USP6NL: variants seen among roughly 807,000 people sequenced by gnomAD.
USP6NL encodes the protein USP6 N-terminal like.
Under a neutral mutation model 61.9 loss-of-function variants are expected in USP6NL, and 26 were observed. The observed-to-expected ratio is 0.42, with a 90% CI of 0.31 to 0.58. The LOEUF (loss-of-function observed/expected upper bound fraction) is 0.58. Among genes scored for constraint, USP6NL ranks in the 20% least tolerant of loss-of-function variants. USP6NL has a pLI of 0.16. For missense variants in USP6NL, 1,114 were observed against 1,034.3 expected (o/e 1.08, Z -1.06); for synonymous variants, 432 against 390.1 (o/e 1.11, Z -1.27).
rs187029387 is a variant in USP6NL at position 11,574,352 on chromosome 10, T to G, written c.4+23279A>C. ...CCCAGTCCATGAATAGAAGTCTAAA[T>G]TCACATGCACACTAGAAATTCCCAT... On this transcript the variant is annotated intron_variant, in intron 2 of 14. Transcript: ENST00000609104. The surrounding 1 kb of genome is among the most constrained non-coding windows in gnomAD (Gnocchi z 4.3). 1.3e-5 allele frequency among the ~76,000 whole-genome samples: 2 copies of G among 152,300 alleles called. No individual in the cohort carries two copies. The highest frequency in any genetic ancestry group is 3.9e-4 in the East Asian group (2 of 5,186).
At chr10:11,545,886 CCA>C (rs1465342218) in intron 2 of USP6NL, among the ~76,000 whole-genome samples, 1 of 151,224 alleles carries the variant, frequency 6.6e-6, no homozygotes, top group Non-Finnish European at 1.5e-5. Context: ...GTTTTGCCAA[CCA>C]CACTTTGGCC....
At position 11,463,640 on chromosome 10, in the gene USP6NL, G is replaced by A. The variant is rs759685953; in HGVS notation, c.1288C>T (p.Pro430Ser). Residue 430 changes from proline to serine, a missense_variant, in exon 15 of 15, where the codon CCG (proline) becomes TCG (serine). Pro to Ser is a moderately conservative substitution (Grantham distance 74). Coordinates refer to ENST00000609104, the MANE Select transcript of USP6NL (RefSeq NM_014688.5). The surrounding 1 kb of genome is among the most constrained non-coding windows in gnomAD (Gnocchi z 6.3). ...SRTGTPERAQ[P>S]PRRKSVEEES... ...TCCTCCACCGATTTCCGTCTTGGCG[G>A]CTGTGCTCTCTCGGGCGTCCCGGTC... 2 of 1,613,830 alleles carry A rather than the reference G, an allele frequency of 1.2e-6. No homozygotes were observed. Among genetic ancestry groups the A allele is most frequent in the African/African-American group, 2.7e-5 (2 of 74,898 alleles).
chr10:11,523,586 T>C (rs978596195), intron 4 of USP6NL, among the ~76,000 whole-genome samples: 7 of 152,172 alleles, frequency 4.6e-5, no homozygotes, highest in East Asian at 1.9e-4. Context: ...AAATTTTACA[T>C]TGGAATCCAT....
chr10:11,555,451 T>TATATATAGAGAGAG lies in USP6NL; in HGVS notation c.5-27885_5-27884insCTCTCTCTATATAT, dbSNP rs1427219382. On this transcript the variant is annotated intron_variant, in intron 2 of 14. Transcript: ENST00000609104. ...AAAAAAAAATATATATATATATATA[T>TATATATAGAGAGAG]AGAGAGAGAGAGAGAGAGAAAGAGA... is the stretch of plus-strand genomic sequence containing the variant. 6.6e-5 allele frequency among the ~76,000 whole-genome samples: 4 copies of TATATATAGAGAGAG among 61,004 alleles called. No homozygotes were observed. In the East Asian group the frequency reaches 3.9e-3, roughly 59 times the overall value. 40.0% of individuals were successfully genotyped at this position (61,004 alleles called of 152,430 possible). A position where few individuals can be genotyped will look rare whatever the true frequency, so the allele number is the denominator to read the frequency against.
chr10:11,525,243 C>T lies in USP6NL; in HGVS notation c.155+143G>A, dbSNP rs188684938. ...TTAATCACAGAGTTGTTAAAAGAAA[C>T]CTAGGAATTTAGTATCAAAACGCAT... On this transcript the variant is annotated intron_variant, in intron 4 of 14. Transcript: ENST00000609104. This position sits in a 1 kb window ranked among gnomAD's most constrained non-coding sequence, Gnocchi z 5.0. The T allele has an allele frequency of 4.6e-3, 2,716 of 584,786 alleles. 14 individuals carry two copies. Among genetic ancestry groups the T allele is most frequent in the Non-Finnish European group, 6.3e-3 (2,284 of 362,460 alleles). 36.2% of individuals were successfully genotyped at this position (584,786 alleles called of 1,614,324 possible).
At chr10:11,477,031 C>T (rs1457923861) in intron 14 of USP6NL, among the ~76,000 whole-genome samples, 1 of 152,166 alleles carries the variant, frequency 6.6e-6, no homozygotes, top group Admixed American at 6.5e-5. Flanking sequence ...GCCACCACGC[C>T]CCGCTGATTT....
chr10:11,604,959 G>A (rs966816161), intron 1 of USP6NL, among the ~76,000 whole-genome samples: 1 of 152,116 alleles, frequency 6.6e-6, no homozygotes, highest in Non-Finnish European at 1.5e-5. Flanking sequence ...AGATAAGGAG[G>A]ACTACTGTAT....
At chr10:11,527,356 T>C (rs549833758) in intron 3 of USP6NL, 144 bp downstream of exon 3, 353 of 664,230 alleles carry the variant, frequency 5.3e-4, no homozygotes, top group Non-Finnish European at 7.3e-4. Context: ...AGACAGGAGA[T>C]GAAGTCAGCG....
chr10:11,552,549 A>G (rs951548341), intron 2 of USP6NL, among the ~76,000 whole-genome samples: 6 of 152,228 alleles, frequency 3.9e-5, no homozygotes, highest in African/African-American at 1.4e-4. Context: ...GTGTAAGAGT[A>G]TAACTAACTG....
intron 2 of USP6NL, among the ~76,000 whole-genome samples, chr10:11,536,068 A>C (rs1244130220): frequency 6.6e-6 from 1 of 152,238 alleles, no homozygotes; most frequent in Admixed American, 6.5e-5. Context: ...TACATCTGCA[A>C]CAAGAGTCTG....
At chr10:11,494,922 G>A (rs887973698) in intron 7 of USP6NL, among the ~76,000 whole-genome samples, 5 of 152,266 alleles carry the variant, frequency 3.3e-5, no homozygotes, top group Admixed American at 2.0e-4. Context: ...CCGGATAACT[G>A]CAGGCGAGCC....
rs1252977610 is a variant in USP6NL at position 11,483,793 on chromosome 10, A to G, written c.925+1178T>C. Among the ~76,000 whole-genome samples, 14 of 152,154 alleles carry G rather than the reference A, an allele frequency of 9.2e-5. No homozygotes were observed. In the South Asian group the frequency reaches 2.5e-3, roughly 27 times the overall value. On this transcript the variant is annotated intron_variant, in intron 13 of 14. Coordinates refer to ENST00000609104, the MANE Select transcript of USP6NL (RefSeq NM_014688.5). ...TTGAATCCTGGAAGACACATAGTCA[A>G]TTGTTTTGTTCTGGTGCATTAGTTG...
rs187991520 is a variant in USP6NL at position 11,582,565 on chromosome 10, T to G, written c.4+15066A>C. ...GATGTGGAAAGAGCCACAGAATATGTGTTTATGGATGACAACATTATCCTT... is the reference window on the plus strand; with the variant it reads ...GATGTGGAAAGAGCCACAGAATATGGGTTTATGGATGACAACATTATCCTT... On this transcript the variant is annotated intron_variant, in intron 2 of 14. Transcript: ENST00000609104. Among the ~76,000 whole-genome samples, 187 of 152,358 alleles carry G rather than the reference T, an allele frequency of 1.2e-3. 7 individuals carry two copies. In the East Asian group the frequency reaches 0.031, roughly 25 times the overall value.
At chr10:11,534,802 CATT>C (rs1835774603) in intron 2 of USP6NL, among the ~76,000 whole-genome samples, 1 of 152,170 alleles carries the variant, frequency 6.6e-6, no homozygotes, top group African/African-American at 2.4e-5. Context: ...ATGCTATTGA[CATT>C]ATTATGATTA....
chr10:11,535,469 C>G (rs1297527365), intron 2 of USP6NL, among the ~76,000 whole-genome samples: 1 of 152,048 alleles, frequency 6.6e-6, no homozygotes, highest in South Asian at 2.1e-4. Context: ...CAAAGGCAAG[C>G]TGAAAAAATG....
At chr10:11,514,514 A>C (rs1354304765) in intron 5 of USP6NL, among the ~76,000 whole-genome samples, 1 of 152,100 alleles carries the variant, frequency 6.6e-6, no homozygotes, top group Non-Finnish European at 1.5e-5. Context: ...TTTGAACCTC[A>C]AACTGTCCCC....
chr10:11,579,703 C>T (rs866109561), intron 2 of USP6NL, among the ~76,000 whole-genome samples: 2 of 152,182 alleles, frequency 1.3e-5, no homozygotes, highest in African/African-American at 4.8e-5. Context: ...AACGCTTATC[C>T]CAGTGAATTT....
At chr10:11,576,627 C>T (rs1371114687) in intron 2 of USP6NL, among the ~76,000 whole-genome samples, 3 of 152,226 alleles carry the variant, frequency 2.0e-5, no homozygotes. Flanking sequence ...TCTTGGACTT[C>T]CCAGCCTCCA....
intron 2 of USP6NL, among the ~76,000 whole-genome samples, chr10:11,543,818 T>G (rs1157461674): frequency 7.6e-6 from 1 of 131,750 alleles, no homozygotes; most frequent in Non-Finnish European, 1.6e-5. Flanking sequence ...TTTTTTTTTT[T>G]TTTTTTTTTT....
Sources: gnomAD v4.1 joint callset for allele counts (sites outside exome capture counted in the v4.1 genomes callset) on GRCh38, gnomAD v4.1.1 for gene constraint, Gnocchi (gnomAD v3.1) non-coding constraint, MANE v1.5 for transcripts, NCBI Gene and HGNC (gene_info 2026-07-23, HGNC 2026-07-21) for gene names.